The following SNF8 variants were observed in gnomAD, a reference collection of about 807,000 sequenced individuals.
SNF8 encodes the protein SNF8 subunit of ESCRT-II, also known as vacuolar-sorting protein SNF8.
In SNF8, 19 loss-of-function variants were observed where a neutral mutation model predicts 36.8. The observed-to-expected ratio is 0.52, with a 90% CI of 0.36 to 0.76. The LOEUF (loss-of-function observed/expected upper bound fraction) is 0.76. Among genes scored for constraint, SNF8 ranks in the 30% least tolerant of loss-of-function variants. The probability of loss-of-function intolerance (pLI) is 0.00; values close to 1 mark genes in which losing one functional copy is unlikely to be tolerated. For synonymous variants in SNF8, 127 were observed against 127.4 expected, an observed-to-expected ratio of 1.00 and a Z score of 0.02; for missense variants, 268 against 322.9, an observed-to-expected ratio of 0.83 and a Z score of 1.30.
At chr17:48,935,992 A>G in intron 5 of SNF8, 178 bp downstream of exon 5, 1 of 534,814 alleles carries the variant, frequency 1.9e-6, no homozygotes, top group Non-Finnish European at 3.4e-6. Context: ...CAGCCCGGGC[A>G]AAAGTGAGAC....
chr17:48,944,782 C>A lies in SNF8; in HGVS notation c.-48G>T. 1 of 1,559,896 alleles carries A rather than the reference C, an allele frequency of 6.4e-7. No homozygotes were observed. The highest frequency in any genetic ancestry group is 8.6e-7 in the Non-Finnish European group (1 of 1,160,980). On this transcript the variant is annotated 5_prime_UTR_variant, in exon 1 of 8. Coordinates refer to ENST00000502492, the MANE Select transcript of SNF8 (RefSeq NM_007241.4). Reference sequence around the variant, plus strand: ...GCCCGGCTGCCGGGACCCCGGGTCTCCACGTCCCGGACTCCGCCGCCGGCT... The same window carrying A: ...GCCCGGCTGCCGGGACCCCGGGTCTACACGTCCCGGACTCCGCCGCCGGCT...
rs1013829756 is a variant in SNF8, at chr17:48,930,007, C to T, written c.*468G>A. On this transcript the variant is annotated 3_prime_UTR_variant, in exon 8 of 8. Transcript: ENST00000502492. The stretch of plus-strand genomic sequence containing the variant: ...ACTTCTATTTCCTTCATACTCACAG[C>T]TAACTCTGTCATAACCTAGAGCCTC... 1 of 152,334 alleles carries T rather than the reference C, an allele frequency of 6.6e-6. No homozygotes were observed. The highest frequency in any genetic ancestry group is 1.5e-5 in the Non-Finnish European group (1 of 68,140). 9.4% of individuals were successfully genotyped at this position (152,334 alleles called of 1,614,324 possible).
chr17:48,935,594 T>C (rs1004153460), intron 5 of SNF8: 2 of 151,704 alleles, frequency 1.3e-5, no homozygotes, highest in East Asian at 1.9e-4. Context: ...GGCACGAGAA[T>C]TGCTTGAACC....
At chr17:48,931,916 A>C in intron 6 of SNF8, 199 bp from the exon 7 acceptor site, 1 of 481,962 alleles carries the variant, frequency 2.1e-6, no homozygotes, top group Non-Finnish European at 3.7e-6. Context: ...TGGTGGGTTC[A>C]ATCCTAAAAC....
chr17:48,934,610 C>CAAA, intron 5 of SNF8: 2 of 146,422 alleles, frequency 1.4e-5, no homozygotes, highest in Non-Finnish European at 1.5e-5. Context: ...TTTCAAAAAA[C>CAAA]AAAAAAAAAA....
Position 48,931,699 on chromosome 17 carries a change from C to CA in SNF8, c.582dup (p.Val195CysfsTer3). On this transcript the variant is annotated frameshift_variant, in exon 7 of 8. Transcript: ENST00000502492. LOFTEE classifies it high-confidence loss of function. The stretch of plus-strand genomic sequence containing the variant: ...TTAAGACTGGCTTTGATCTCACTGA[C>CA]AGTCACGTAGCCATTCTTCTGAAGG... 1.9e-6 allele frequency: 3 copies of CA among 1,613,214 alleles called. No homozygotes were observed. Among genetic ancestry groups the CA allele is most frequent in the Non-Finnish European group, 2.5e-6 (3 of 1,179,600 alleles).
At chr17:48,941,559 ATC>A (rs1420398733) in intron 2 of SNF8, among the ~76,000 whole-genome samples, 1 of 152,110 alleles carries the variant, frequency 6.6e-6, no homozygotes, top group African/African-American at 2.4e-5. Context: ...CGTCACATGA[ATC>A]TGTTTATAAC....
intron 1 of SNF8, 79 bp from the exon 2 acceptor site, chr17:48,944,054 A>C: frequency 7.1e-7 from 1 of 1,408,532 alleles, no homozygotes; most frequent in South Asian, 1.1e-5. Flanking sequence ...CTGTAATCCC[A>C]GAACTTTGGG....
intron 5 of SNF8, among the ~76,000 whole-genome samples, chr17:48,935,182 CCAA>C (rs2040916443): frequency 6.6e-6 from 1 of 151,894 alleles, no homozygotes; most frequent in South Asian, 2.1e-4. Flanking sequence ...ACCAGCCTGG[CCAA>C]CAACGTGAAA....
chr17:48,937,238 GTTC>G (rs1458196584), intron 3 of SNF8, 114 bp from the exon 4 acceptor site: 9 of 834,164 alleles, frequency 1.1e-5, no homozygotes, highest in Non-Finnish European at 1.9e-5. Context: ...ATGGCATGAA[GTTC>G]TTCTGCTCCA....
rs1057198126 is a variant in SNF8, at chr17:48,930,261, C to T, written c.*214G>A. The T allele has an allele frequency of 1.2e-5, 5 of 431,490 alleles. No individual in the cohort carries two copies. The highest frequency in any genetic ancestry group is 3.7e-5 in the East Asian group (1 of 26,942). 26.7% of individuals were successfully genotyped at this position (431,490 alleles called of 1,614,324 possible). A position where few individuals can be genotyped will look rare whatever the true frequency, so the allele number is the denominator to read the frequency against. Reference sequence around the variant, plus strand: ...CAAAAATCATTTTATATGTGCTTGCCGTTCTCTGTGTTAATCAGATTATGC... The same window carrying T: ...CAAAAATCATTTTATATGTGCTTGCTGTTCTCTGTGTTAATCAGATTATGC... On this transcript the variant is annotated 3_prime_UTR_variant, in exon 8 of 8. Transcript: ENST00000502492.
intron 5 of SNF8, among the ~76,000 whole-genome samples, chr17:48,935,332 T>C (rs1356432466): frequency 1.3e-4 from 19 of 151,900 alleles, no homozygotes. Context: ...GCTAACACAG[T>C]GAAACCCCGT....
chr17:48,931,834 G>A (rs2040864214), intron 6 of SNF8, 117 bp from the exon 7 acceptor site: 2 of 722,398 alleles, frequency 2.8e-6, no homozygotes, highest in South Asian at 1.9e-5. Flanking sequence ...TCAAGCATGA[G>A]AGAACACAGA....
intron 2 of SNF8, among the ~76,000 whole-genome samples, chr17:48,941,750 G>A (rs1598093243): frequency 6.6e-6 from 1 of 151,828 alleles, no homozygotes; most frequent in African/African-American, 2.4e-5. Context: ...GAGTGCACTG[G>A]CACAATCTCA....
intron 4 of SNF8, chr17:48,936,690 C>G: frequency 2.5e-6 from 1 of 392,670 alleles, no homozygotes; most frequent in Non-Finnish European, 4.6e-6. Flanking sequence ...AGAGACAGTG[C>G]AGGACTATAG....
At chr17:48,933,491 A>G (rs1021728051) in intron 5 of SNF8, 145 bp from the exon 6 acceptor site, 4 of 887,864 alleles carry the variant, frequency 4.5e-6, no homozygotes, top group African/African-American at 1.7e-5. Flanking sequence ...CATAATCGCA[A>G]CACTTTTGGG....
intron 2 of SNF8, 31 bp from the exon 3 acceptor site, chr17:48,941,093 A>G: frequency 6.2e-7 from 1 of 1,606,040 alleles, no homozygotes; most frequent in Non-Finnish European, 8.5e-7. Flanking sequence ...GGTGAAGGGC[A>G]GCCCAGCCAA....
At chr17:48,931,397 T>C (rs1484521377) in intron 7 of SNF8, among the ~76,000 whole-genome samples, 1 of 152,036 alleles carries the variant, frequency 6.6e-6, no homozygotes, top group Non-Finnish European at 1.5e-5. Context: ...GGAGAGAGAG[T>C]GTCAGTTCCC....
intron 4 of SNF8, 166 bp downstream of exon 4, chr17:48,936,854 C>T: frequency 1.5e-6 from 1 of 663,330 alleles, no homozygotes; most frequent in Non-Finnish European, 2.7e-6. Context: ...ATTCTATTTA[C>T]CCTTGGCCAT....
Sources: allele counts gnomAD v4.1 joint callset (sites outside exome capture counted in the v4.1 genomes callset), GRCh38; gene constraint gnomAD v4.1.1; transcripts MANE v1.5; gene names NCBI Gene and HGNC (gene_info 2026-07-23, HGNC 2026-07-21).